USP5: variants seen among roughly 807,000 people sequenced by gnomAD.
USP5 encodes ubiquitin specific peptidase 5, also known as ubiquitin carboxyl-terminal hydrolase 5.
USP5 carries 24 observed loss-of-function variants against 102.5 expected under a neutral mutation model. The ratio of observed to expected loss-of-function variants is 0.23; its 90% CI spans 0.17 to 0.33. USP5 has a LOEUF of 0.33. Among genes scored for constraint, USP5 ranks in the 10% least tolerant of loss-of-function variants. The pLI is 1.00. For missense variants in USP5, 753 were observed against 1,122.1 expected, an observed-to-expected ratio of 0.67 and a Z score of 4.70; for synonymous variants, 460 against 434.8, an observed-to-expected ratio of 1.06 and a Z score of -0.72.
rs781946029 is a variant in USP5, at chr12:6,856,425, G to T, written c.559G>T (p.Asp187Tyr). ...GCATGCCTTCAGCCTCAAGCAGTTGGACAACCCTGCTCGAATCCCTCCCTG... is the reference window on the plus strand; with the variant it reads ...GCATGCCTTCAGCCTCAAGCAGTTGTACAACCCTGCTCGAATCCCTCCCTG... The part of the protein sequence containing the change: ...SKHAFSLKQL[D>Y]NPARIPPCGW... The change falls in exon 5 of 20, where the codon GAC becomes TAC. Residue 187 changes from aspartate to tyrosine, a missense_variant. Transcript: ENST00000229268. This position sits in a 1 kb window ranked among gnomAD's most constrained non-coding sequence, Gnocchi z 5.6. 1 of 1,613,216 alleles carries T rather than the reference G, an allele frequency of 6.2e-7. No homozygotes were observed. The highest frequency in any genetic ancestry group is 8.5e-7 in the Non-Finnish European group (1 of 1,179,498).
At position 6,864,934 on chromosome 12, in the gene USP5, G is replaced by A; in HGVS notation, c.2398+59G>A. The A allele has an allele frequency of 6.4e-7, 1 of 1,573,178 alleles. No homozygotes were observed. Among genetic ancestry groups the A allele is most frequent in the South Asian group, 1.1e-5 (1 of 87,796 alleles). On this transcript the variant is annotated intron_variant, in intron 18 of 19. Transcript: ENST00000229268. The surrounding 1 kb of genome is among the most constrained non-coding windows in gnomAD (Gnocchi z 4.8). ...GGAATCTGGTCAGTCTACTACACCA[G>A]ATCCCTCATTCAGGCAGCTCTGCCC...
At chr12:6,859,246 C>A (rs1284251514) in intron 8 of USP5, among the ~76,000 whole-genome samples, 4 of 152,234 alleles carry the variant, frequency 2.6e-5, no homozygotes, top group Admixed American at 2.6e-4. Context: ...AGGCTACCTT[C>A]CCCCTCCCCG....
intron 9 of USP5, 144 bp downstream of exon 9, chr12:6,859,685 G>A: frequency 1.2e-6 from 1 of 820,852 alleles, no homozygotes; most frequent in South Asian, 1.6e-5. Context: ...ACGGAGTCTT[G>A]TTCTGTTGCC....
chr12:6,859,084 G>A (rs1408252898), intron 8 of USP5, among the ~76,000 whole-genome samples: 3 of 152,112 alleles, frequency 2.0e-5, no homozygotes, highest in African/African-American at 7.2e-5. Context: ...TAGCACTTGG[G>A]GAGGAGGGGG....
chr12:6,863,273 T>G lies in USP5; in HGVS notation c.1850T>G (p.Ile617Ser). 1 of 1,614,140 alleles carries G rather than the reference T, an allele frequency of 6.2e-7. No individual in the cohort carries two copies. The highest frequency in any genetic ancestry group is 8.5e-7 in the Non-Finnish European group (1 of 1,180,018). ...CCCGGAGAGGAGGAGCTGCCAGACA[T>G]TGCCCCACCCCTGGTCACTCCGGAT... is the stretch of plus-strand genomic sequence containing the variant. ...LQPGEEELPD[I>S]APPLVTPDEP... The change falls in exon 15 of 20, where the codon ATT becomes AGT. Residue 617 changes from isoleucine to serine, a missense_variant. Around this residue, in one of 3 missense-constraint regions of USP5, gnomAD observed 527 missense variants for 816.5 expected, o/e 0.65. Transcript: ENST00000229268. The surrounding 1 kb of genome is among the most constrained non-coding windows in gnomAD (Gnocchi z 4.7).
intron 14 of USP5, 95 bp downstream of exon 14, chr12:6,862,653 G>A (rs139833814): frequency 4.4e-6 from 5 of 1,147,664 alleles, no homozygotes; most frequent in Admixed American, 4.5e-5. Context: ...AGTTTCCTCT[G>A]AAAGAGGAAA....
In USP5 at chr12:6,866,130, G is replaced by T. The variant is rs377507262; in HGVS notation, c.*53G>T. The stretch of plus-strand genomic sequence containing the variant: ...GGCAGGGGAAGACCACCTGGCATGA[G>T]GGAGAGGGGCTGAGGGATGGACTTC... On this transcript the variant is annotated 3_prime_UTR_variant, in exon 20 of 20. Transcript: ENST00000229268. The surrounding 1 kb of genome is among the most constrained non-coding windows in gnomAD (Gnocchi z 4.7). 1 of 1,529,034 alleles carries T rather than the reference G, an allele frequency of 6.5e-7. No individual in the cohort carries two copies. Among genetic ancestry groups the T allele is most frequent in the African/African-American group, 1.4e-5 (1 of 73,152 alleles). The allele number at this position is 1,529,034 out of a possible 1,614,324, so 94.7% of individuals were successfully genotyped here. A position where few individuals can be genotyped will look rare whatever the true frequency, so the allele number is the denominator to read the frequency against.
At position 6,861,258 on chromosome 12, in the gene USP5, C is replaced by T. The variant is rs782267655; in HGVS notation, c.1498+152C>T. Reference sequence around the variant, plus strand: ...CCACCAGGAGTAGGTAGATTAACCTCGTCCAGTGGACACTCAGCTTGTTAG... The same window carrying T: ...CCACCAGGAGTAGGTAGATTAACCTTGTCCAGTGGACACTCAGCTTGTTAG... On this transcript the variant is annotated intron_variant, in intron 12 of 19. Transcript: ENST00000229268. This position sits in a 1 kb window ranked among gnomAD's most constrained non-coding sequence, Gnocchi z 4.9. The T allele has an allele frequency of 2.4e-5, 33 of 1,381,968 alleles. No individual in the cohort carries two copies. Among genetic ancestry groups the T allele is most frequent in the Admixed American group, 7.0e-5 (3 of 43,062 alleles). The allele number at this position is 1,381,968 out of a possible 1,614,324, so 85.6% of individuals were successfully genotyped here.
Position 6,861,001 on chromosome 12 carries a change from G to A in USP5, c.1393G>A (p.Val465Met), listed in dbSNP as rs782333998. ...TCCTAATGAAGTGTTCCGCTTCTTG[G>A]TGGAGGAAAAGATCAAGTGCCTGGC... Reference protein sequence around the residue: ...ENPNEVFRFLVEEKIKCLATE... With the variant: ...ENPNEVFRFLMEEKIKCLATE... Residue 465 changes from valine to methionine, a missense_variant, in exon 12 of 20, where the codon GTG becomes ATG. Around this residue, in one of 3 missense-constraint regions of USP5, gnomAD observed 527 missense variants for 816.5 expected, o/e 0.65. Transcript: ENST00000229268. This position sits in a 1 kb window ranked among gnomAD's most constrained non-coding sequence, Gnocchi z 4.9. The A allele has an allele frequency of 9.3e-6, 15 of 1,614,098 alleles. No homozygotes were observed. The highest frequency in any genetic ancestry group is 4.5e-5 in the East Asian group (2 of 44,902).
rs781937193 is a variant in USP5 at position 6,856,501 on chromosome 12, G to A, written c.584+51G>A. ...GCACCACCCCCAGAGCAAGGACAAG[G>A]AGCCCACTTTTCTGGGGGATCTGGT... On this transcript the variant is annotated intron_variant, in intron 5 of 19. Coordinates refer to ENST00000229268, the MANE Select transcript of USP5 (RefSeq NM_001098536.2). This position sits in a 1 kb window ranked among gnomAD's most constrained non-coding sequence, Gnocchi z 5.6. 1.0e-5 allele frequency: 16 copies of A among 1,570,472 alleles called. No homozygotes were observed. Among genetic ancestry groups the A allele is most frequent in the Non-Finnish European group, 1.4e-5 (16 of 1,158,652 alleles).
intron 19 of USP5, 34 bp downstream of exon 19, chr12:6,865,282 A>G: frequency 6.3e-7 from 1 of 1,591,242 alleles, no homozygotes; most frequent in East Asian, 2.2e-5. Flanking sequence ...TGAATGGAGA[A>G]TGGTGGTGGG....
At position 6,864,438 on chromosome 12, in the gene USP5, C is replaced by T. The variant is rs782447708; in HGVS notation, c.2244+243C>T. ...GGCGCGGTGGCTCACGCCTGTAATC[C>T]CAGCACTTTGGGAGGGTGAGGTGGG... is the stretch of plus-strand genomic sequence containing the variant. On this transcript the variant is annotated intron_variant, in intron 17 of 19. Coordinates refer to ENST00000229268, the MANE Select transcript of USP5 (RefSeq NM_001098536.2). The surrounding 1 kb of genome is among the most constrained non-coding windows in gnomAD (Gnocchi z 4.8). Among the ~76,000 whole-genome samples, 2 of 152,274 alleles carry T rather than the reference C, an allele frequency of 1.3e-5. No individual in the cohort carries two copies. The highest frequency in any genetic ancestry group is 2.9e-5 in the Non-Finnish European group (2 of 68,022).
Position 6,858,467 on chromosome 12 carries a change from G to A in USP5, c.908G>A (p.Arg303Gln), listed in dbSNP as rs1425977684. The A allele has an allele frequency of 3.7e-5, 60 of 1,611,746 alleles. No homozygotes were observed. Among genetic ancestry groups the A allele is most frequent in the Non-Finnish European group, 5.0e-5 (59 of 1,178,078 alleles). Residue 303 changes from arginine (R) to glutamine (Q), a missense_variant, in exon 8 of 20, where the codon CGG becomes CAG. Coordinates refer to ENST00000229268, the MANE Select transcript of USP5 (RefSeq NM_001098536.2). This position sits in a 1 kb window ranked among gnomAD's most constrained non-coding sequence, Gnocchi z 4.2. The part of the protein sequence containing the change: ...MTELEIDMNQ[R>Q]IGEWELIQES... ...GAGTTGGAGATAGACATGAACCAGCGGATTGGTGAATGGGAGCTGATCCAG... is the reference window on the plus strand; with the variant it reads ...GAGTTGGAGATAGACATGAACCAGCAGATTGGTGAATGGGAGCTGATCCAG...
intron 13 of USP5, among the ~76,000 whole-genome samples, 195 bp from the exon 14 acceptor site, chr12:6,862,275 C>T (rs989581579): frequency 5.9e-5 from 9 of 151,914 alleles, no homozygotes; most frequent in Admixed American, 3.3e-4. Context: ...TTGTTGACAG[C>T]CTTCCTTCTG....
rs781997401 is a variant in USP5, at chr12:6,856,525, G to C, written c.584+75G>C. ...GGAGCCCACTTTTCTGGGGGATCTG[G>C]TGGGAGAGAGGGTAGGGAGCAGGAC... On this transcript the variant is annotated intron_variant, in intron 5 of 19. Coordinates refer to ENST00000229268, the MANE Select transcript of USP5 (RefSeq NM_001098536.2). The surrounding 1 kb of genome is among the most constrained non-coding windows in gnomAD (Gnocchi z 5.6). The C allele has an allele frequency of 1.8e-4, 277 of 1,557,250 alleles. 1 individual carries two copies. The African/African-American group carries it at 3.3e-3, about 19-fold the overall frequency.
In USP5 at chr12:6,855,547, A is replaced by G. The variant is rs1944084266; in HGVS notation, c.237+21A>G. 3.1e-6 allele frequency: 5 copies of G among 1,613,378 alleles called. No homozygotes were observed. The highest frequency in any genetic ancestry group is 4.2e-6 in the Non-Finnish European group (5 of 1,179,826). ...GCCCGGTAGGAGCAGGGCTGGGGCA[A>G]GGCCTGGGTACATTGTCTGTTCCAT... On this transcript the variant is annotated intron_variant, in intron 2 of 19. Coordinates refer to ENST00000229268, the MANE Select transcript of USP5 (RefSeq NM_001098536.2). This position sits in a 1 kb window ranked among gnomAD's most constrained non-coding sequence, Gnocchi z 4.6.
chr12:6,861,654 A>G lies in USP5; in HGVS notation c.1673+37A>G, dbSNP rs1042550007. The G allele has an allele frequency of 1.9e-5, 28 of 1,475,402 alleles. No homozygotes were observed. Among genetic ancestry groups the G allele is most frequent in the Non-Finnish European group, 2.5e-5 (28 of 1,111,042 alleles). The allele number at this position is 1,475,402 out of a possible 1,614,324, so 91.4% of individuals were successfully genotyped here. ...GGTCGGGGCCTGAGGCTGTGGGTCT[A>G]TGGCAGAGCTATCCCAGAGGATACT... is the stretch of plus-strand genomic sequence containing the variant. On this transcript the variant is annotated intron_variant, in intron 13 of 19. Transcript: ENST00000229268. The surrounding 1 kb of genome is among the most constrained non-coding windows in gnomAD (Gnocchi z 4.9).
Position 6,863,247 on chromosome 12 carries a change from G to A in USP5, c.1824G>A (p.Gln608=). 6.2e-7 allele frequency: 1 copy of A among 1,614,188 alleles called. No homozygotes were observed. Among genetic ancestry groups the A allele is most frequent in the Non-Finnish European group, 8.5e-7 (1 of 1,180,032 alleles). The change falls in exon 15 of 20, where the codon CAG becomes CAA. Residue 608 remains glutamine (Q), a synonymous_variant. Transcript: ENST00000229268. The surrounding 1 kb of genome is among the most constrained non-coding windows in gnomAD (Gnocchi z 4.7). ...DISQLRGTGL[Q]PGEEELPDIA... is the part of the protein sequence containing the mutation. ...CCCAGTTGAGGGGCACAGGGCTGCA[G>A]CCCGGAGAGGAGGAGCTGCCAGACA...
At chr12:6,865,553 G>A (rs1233473793) in intron 19 of USP5, among the ~76,000 whole-genome samples, 2 of 152,106 alleles carry the variant, frequency 1.3e-5, no homozygotes. Context: ...ATGAGCTACC[G>A]TGCCTGGCCA....
Sources: gnomAD v4.1 joint callset for allele counts (sites outside exome capture counted in the v4.1 genomes callset) on GRCh38, gnomAD v4.1.1 for gene constraint, gnomAD v4.1.1 regional missense constraint, Gnocchi (gnomAD v3.1) non-coding constraint, MANE v1.5 for transcripts, NCBI Gene and HGNC (gene_info 2026-07-23, HGNC 2026-07-21) for gene names.